PLXNA4: variants seen among roughly 807,000 people sequenced by gnomAD.
The protein encoded by PLXNA4 is plexin-A4.
In PLXNA4, 44 loss-of-function variants were observed where a neutral mutation model predicts 191.8. That is an observed-to-expected ratio of 0.23 (90% CI 0.18 to 0.29). The LOEUF (loss-of-function observed/expected upper bound fraction) is 0.29. Among genes scored for constraint, PLXNA4 ranks in the 10% least tolerant of loss-of-function variants. The probability of loss-of-function intolerance (pLI) is 1.00; values close to 1 mark genes in which losing one functional copy is unlikely to be tolerated. For missense variants in PLXNA4, 1,800 were observed against 2,488.8 expected (o/e 0.72, Z 5.89); for synonymous variants, 1,082 against 1,009.5 (o/e 1.07, Z -1.36).
intron 3 of PLXNA4, among the ~76,000 whole-genome samples, chr7:132,488,743 A>T (rs780472150): frequency 2.0e-5 from 3 of 152,210 alleles, no homozygotes; most frequent in Non-Finnish European, 2.9e-5. Context: ...TCCCCAGATC[A>T]TACCATCTGA....
chr7:132,288,985 T>C (rs1005598102), intron 4 of PLXNA4, among the ~76,000 whole-genome samples: 3 of 152,196 alleles, frequency 2.0e-5, no homozygotes, highest in Admixed American at 6.5e-5. Context: ...AGGGGGTCCC[T>C]GGTGGAGGCA....
At chr7:132,140,268 A>T (rs1795228730) in intron 30 of PLXNA4, among the ~76,000 whole-genome samples, 1 of 151,994 alleles carries the variant, frequency 6.6e-6, no homozygotes, top group Non-Finnish European at 1.5e-5. Context: ...GACAGTTTTT[A>T]TTTATTTTTT....
intron 2 of PLXNA4, among the ~76,000 whole-genome samples, chr7:132,596,503 C>T (rs1802712833): frequency 6.6e-6 from 1 of 152,234 alleles, no homozygotes; most frequent in Admixed American, 6.5e-5. Context: ...CAGCTGGAAA[C>T]ACACATACAA....
intron 2 of PLXNA4, among the ~76,000 whole-genome samples, chr7:132,604,939 A>G (rs2116845112): frequency 6.6e-6 from 1 of 152,224 alleles, no homozygotes; most frequent in South Asian, 2.1e-4. Flanking sequence ...CCAGCCCTTG[A>G]TGGCTCTTCC....
chr7:132,370,971 T>C (rs1804414174), intron 3 of PLXNA4, among the ~76,000 whole-genome samples: 1 of 152,156 alleles, frequency 6.6e-6, no homozygotes, highest in Non-Finnish European at 1.5e-5. Context: ...TGAATTAGTG[T>C]TGGCCACATA....
intron 3 of PLXNA4, among the ~76,000 whole-genome samples, chr7:132,349,599 T>C (rs1803399297): frequency 6.6e-6 from 1 of 152,208 alleles, no homozygotes; most frequent in Non-Finnish European, 1.5e-5. Flanking sequence ...TTCACGACCC[T>C]GACAGTAAAG....
intron 24 of PLXNA4, 121 bp downstream of exon 24, chr7:132,164,021 C>G (rs1194403172): frequency 6.8e-7 from 1 of 1,474,866 alleles, no homozygotes; most frequent in Non-Finnish European, 9.1e-7. Flanking sequence ...TGGGCCCACA[C>G]AGCAGACACA....
intron 3 of PLXNA4, among the ~76,000 whole-genome samples, chr7:132,388,636 T>C (rs1015696705): frequency 6.6e-6 from 1 of 152,220 alleles, no homozygotes; most frequent in African/African-American, 2.4e-5. Flanking sequence ...CTTTGAAGGA[T>C]AAGTACGTAT....
chr7:132,204,171 G>A (rs145720956), intron 10 of PLXNA4, among the ~76,000 whole-genome samples: 2 of 152,292 alleles, frequency 1.3e-5, no homozygotes, highest in East Asian at 3.9e-4. Context: ...GGCTCCTCAG[G>A]GTCCTGCTCC....
intron 3 of PLXNA4, among the ~76,000 whole-genome samples, chr7:132,455,276 C>T (rs1217281107): frequency 2.0e-5 from 3 of 152,084 alleles, no homozygotes; most frequent in South Asian, 2.1e-4. Flanking sequence ...AGACAAAACA[C>T]GTATTTGCAG....
chr7:132,410,021 G>GAA (rs1452209794), intron 3 of PLXNA4, among the ~76,000 whole-genome samples: 2 of 152,218 alleles, frequency 1.3e-5, no homozygotes, highest in African/African-American at 4.8e-5. Context: ...AGTCCCTTGG[G>GAA]TTGAGAGAAG....
chr7:132,537,054 C>T (rs1488664490), intron 1 of PLXNA4, among the ~76,000 whole-genome samples: 1 of 152,298 alleles, frequency 6.6e-6, no homozygotes, highest in African/African-American at 2.4e-5. Context: ...CGACAGGTTA[C>T]GTATAAACTG....
At chr7:132,561,946 CCT>C (rs775191168) in intron 1 of PLXNA4, among the ~76,000 whole-genome samples, 2 of 142,964 alleles carry the variant, frequency 1.4e-5, no homozygotes, top group Non-Finnish European at 3.0e-5. Context: ...TCCTTACCCT[CCT>C]CTTTCTCCTC....
intron 1 of PLXNA4, among the ~76,000 whole-genome samples, chr7:132,536,117 G>A (rs1405341093): frequency 6.6e-6 from 1 of 152,164 alleles, no homozygotes. Context: ...GCATAAAATG[G>A]GGTTATAATA....
chr7:132,491,278 C>T (rs1310677728), intron 2 of PLXNA4, among the ~76,000 whole-genome samples: 1 of 152,180 alleles, frequency 6.6e-6, no homozygotes, highest in Non-Finnish European at 1.5e-5. Context: ...TCAATCCAGC[C>T]AAAGGAAAGG....
At chr7:132,542,949 G>A (rs879919381) in intron 1 of PLXNA4, among the ~76,000 whole-genome samples, 3 of 151,832 alleles carry the variant, frequency 2.0e-5, no homozygotes, top group Non-Finnish European at 4.4e-5. Context: ...TAAATCCATG[G>A]TCTGATAATT....
At chr7:132,438,545 GATA>G (rs1306185795) in intron 3 of PLXNA4, among the ~76,000 whole-genome samples, 1 of 152,182 alleles carries the variant, frequency 6.6e-6, no homozygotes, top group Non-Finnish European at 1.5e-5. Context: ...AAGATAGGAT[GATA>G]ATTCTAACTG....
chr7:132,483,126 G>A (rs988206395), intron 3 of PLXNA4, among the ~76,000 whole-genome samples: 6 of 152,186 alleles, frequency 3.9e-5, no homozygotes, highest in African/African-American at 1.2e-4. Flanking sequence ...AACAAGTATG[G>A]ACTTTCAGCA....
chr7:132,645,348 C>G (rs7803538), intron 2 of PLXNA4, among the ~76,000 whole-genome samples: 1 of 151,860 alleles, frequency 6.6e-6, no homozygotes, highest in Non-Finnish European at 1.5e-5. Context: ...TCTTATGAGA[C>G]TTGATGGTTT....
Sources: allele counts gnomAD v4.1 joint callset (sites outside exome capture counted in the v4.1 genomes callset), GRCh38; gene constraint gnomAD v4.1.1; transcripts MANE v1.5; gene names NCBI Gene and HGNC (gene_info 2026-07-23, HGNC 2026-07-21).